FAM185A: variants seen among roughly 807,000 people sequenced by gnomAD.
The protein encoded by FAM185A is protein FAM185A.
FAM185A carries 21 observed loss-of-function variants against 45.7 expected under a neutral mutation model. The ratio of observed to expected loss-of-function variants is 0.46; its 90% confidence interval spans 0.33 to 0.66. The LOEUF (loss-of-function observed/expected upper bound fraction) is 0.66. Among genes scored for constraint, FAM185A ranks in the 30% least tolerant of loss-of-function variants. The pLI is 0.03. For missense variants in FAM185A, 305 were observed against 485.4 expected (o/e 0.63, Z 3.49); for synonymous variants, 117 against 194.0 (o/e 0.60, Z 3.30).
At chr7:102,835,587 GAAGT>G in the FAM185A span, among the ~76,000 whole-genome samples, 2 of 144,866 alleles carry the variant, frequency 1.4e-5, no homozygotes, top group African/African-American at 5.0e-5. Context: ...TATGTTGCAA[GAAGT>G]AAGGTGACAT....
chr7:102,835,062 T>C, the FAM185A span, among the ~76,000 whole-genome samples: 1 of 152,232 alleles, frequency 6.6e-6, no homozygotes, highest in Non-Finnish European at 1.5e-5. Context: ...AAATGTATTG[T>C]ACTTTGAGAA....
At chr7:102,787,596 ATC>A (rs1795886097) in intron 7 of FAM185A, 127 bp downstream of exon 7, 1 of 1,070,792 alleles carries the variant, frequency 9.3e-7, no homozygotes. Context: ...CATGTTTGAC[ATC>A]TTTTTTTCTT....
Position 102,753,136 on chromosome 7 carries a change from A to T in FAM185A, c.561+1335A>T, listed in dbSNP as rs142286589. Among the ~76,000 whole-genome samples the T allele has an allele frequency of 3.9e-3, 594 of 152,326 alleles. 3 individuals are homozygous for T. The highest frequency in any genetic ancestry group is 0.014 in the African/African-American group (583 of 41,580). On this transcript the variant is annotated intron_variant, in intron 2 of 7. Transcript: ENST00000413034. ...TAAGTTGGTTCAGATTCTTGTTGTA[A>T]AAGATTGTGTAATAAGGTCTTCATG...
chr7:102,813,318 G>T (rs1162879201), downstream of FAM185A: 1 of 1,563,986 alleles, frequency 6.4e-7, no homozygotes, highest in Non-Finnish European at 8.6e-7. Flanking sequence ...TTGATTTTTT[G>T]TTCTTCCTGC....
At chr7:102,798,567 G>T (rs1460279743) in intron 7 of FAM185A, among the ~76,000 whole-genome samples, 1 of 152,010 alleles carries the variant, frequency 6.6e-6, no homozygotes, top group African/African-American at 2.4e-5. Context: ...TATATTATTG[G>T]GGAGGTGATA....
intron 1 of FAM185A, among the ~76,000 whole-genome samples, chr7:102,750,137 T>C (rs1395403605): frequency 6.6e-6 from 1 of 152,212 alleles, no homozygotes; most frequent in Non-Finnish European, 1.5e-5. Context: ...CTTCTTACTG[T>C]TATATTTCCA....
At chr7:102,781,706 A>G (rs545251972) in intron 6 of FAM185A, among the ~76,000 whole-genome samples, 2 of 152,306 alleles carry the variant, frequency 1.3e-5, no homozygotes, top group African/African-American at 4.8e-5. Flanking sequence ...CAAGATGGGG[A>G]AAAAAACAGA....
chr7:102,776,098 A>G (rs948557164), intron 5 of FAM185A, among the ~76,000 whole-genome samples: 1 of 125,290 alleles, frequency 8.0e-6, no homozygotes, highest in Non-Finnish European at 1.6e-5. Flanking sequence ...GTTGGCTCCT[A>G]TACACACACA....
At chr7:102,802,182 A>G (rs1334568512) in intron 7 of FAM185A, among the ~76,000 whole-genome samples, 1 of 152,242 alleles carries the variant, frequency 6.6e-6, no homozygotes, top group African/African-American at 2.4e-5. Context: ...ATACCTTGGA[A>G]CAAATGGACT....
intron 7 of FAM185A, among the ~76,000 whole-genome samples, chr7:102,795,148 C>T (rs1261076380): frequency 2.6e-5 from 4 of 151,928 alleles, no homozygotes; most frequent in Admixed American, 6.6e-5. Flanking sequence ...AAGACATACC[C>T]GAAAAATGAA....
chr7:102,842,597 C>G, the FAM185A span, among the ~76,000 whole-genome samples: 16 of 152,214 alleles, frequency 1.1e-4, no homozygotes, highest in Admixed American at 1.3e-4. Context: ...GGAGAATAAT[C>G]CAGTTCTTGC....
the FAM185A span, among the ~76,000 whole-genome samples, chr7:102,840,098 A>G: frequency 6.6e-6 from 1 of 152,230 alleles, no homozygotes; most frequent in Non-Finnish European, 1.5e-5. Context: ...GCATAAAAAG[A>G]AGGAAAATTG....
intron 6 of FAM185A, among the ~76,000 whole-genome samples, chr7:102,786,116 C>T (rs1410512648): frequency 6.6e-6 from 1 of 152,026 alleles, no homozygotes; most frequent in Non-Finnish European, 1.5e-5. Flanking sequence ...AAATGCAAAT[C>T]AAAACCACAA....
At chr7:102,807,931 C>T (rs558299894) in intron 7 of FAM185A, among the ~76,000 whole-genome samples, 1 of 152,210 alleles carries the variant, frequency 6.6e-6, no homozygotes, top group Non-Finnish European at 1.5e-5. Context: ...CATGGTGGCG[C>T]GTGCCTGTAG....
intron 6 of FAM185A, among the ~76,000 whole-genome samples, chr7:102,778,436 A>G (rs1484767008): frequency 2.0e-5 from 3 of 152,294 alleles, no homozygotes; most frequent in Non-Finnish European, 2.9e-5. Context: ...GAGAAGAGGG[A>G]TATATTGTTA....
the FAM185A span, among the ~76,000 whole-genome samples, chr7:102,846,561 A>C: frequency 6.6e-6 from 1 of 151,062 alleles, no homozygotes; most frequent in East Asian, 1.9e-4. Flanking sequence ...GGTTGCAGTG[A>C]GCCAAGATCG....
In FAM185A at chr7:102,777,232, A is replaced by G. The variant is rs535405961; in HGVS notation, c.836-21A>G. On this transcript the variant is annotated intron_variant, in intron 5 of 7. Coordinates refer to ENST00000413034, the MANE Select transcript of FAM185A (RefSeq NM_001145268.2). ...TTATCAAGTAAGAATTATTTTACTT[A>G]TGGTTTTTTCTTCTTCCTAGATTCG... 545 of 1,549,034 alleles carry G rather than the reference A, an allele frequency of 3.5e-4. 1 individual carries two copies. Among genetic ancestry groups the G allele is most frequent in the South Asian group, 1.9e-3 (158 of 83,688 alleles).
chr7:102,785,999 C>A (rs1795767270), intron 6 of FAM185A, among the ~76,000 whole-genome samples: 1 of 152,188 alleles, frequency 6.6e-6, no homozygotes, highest in African/African-American at 2.4e-5. Context: ...AAACAAACAG[C>A]CCCATCAAAA....
chr7:102,772,602 A>C (rs1365346701), intron 5 of FAM185A, among the ~76,000 whole-genome samples, 152 bp downstream of exon 5: 1 of 151,922 alleles, frequency 6.6e-6, no homozygotes, highest in Non-Finnish European at 1.5e-5. Context: ...TGTACTAATT[A>C]TGTCCACTCG....
Sources: gnomAD v4.1 joint callset for allele counts (sites outside exome capture counted in the v4.1 genomes callset) on GRCh38, gnomAD v4.1.1 for gene constraint, MANE v1.5 for transcripts, NCBI Gene and HGNC (gene_info 2026-07-23, HGNC 2026-07-21) for gene names.